The following SH3PXD2A variants were observed in gnomAD, a reference collection of about 807,000 sequenced individuals.
SH3PXD2A encodes SH3 and PX domains 2A.
SH3PXD2A carries 32 observed loss-of-function variants against 115.2 expected under a neutral mutation model. The observed-to-expected ratio is 0.28, with a 90% CI of 0.21 to 0.37. The LOEUF (loss-of-function observed/expected upper bound fraction) is 0.37. Among genes scored for constraint, SH3PXD2A ranks in the 10% least tolerant of loss-of-function variants. The probability of loss-of-function intolerance (pLI) is 1.00; values close to 1 mark genes in which losing one functional copy is unlikely to be tolerated. For missense variants in SH3PXD2A, 1,328 were observed against 1,498.7 expected, an observed-to-expected ratio of 0.89 and a Z score of 1.88; for synonymous variants, 610 against 629.1, an observed-to-expected ratio of 0.97 and a Z score of 0.45.
intron 4 of SH3PXD2A, among the ~76,000 whole-genome samples, chr10:103,729,972 C>T (rs1463461885): frequency 2.0e-5 from 3 of 152,152 alleles, no homozygotes; most frequent in Admixed American, 6.5e-5. Flanking sequence ...CATTGTGTGT[C>T]TCTAAGACCT....
At chr10:103,693,782 TG>T (rs1012643806) in intron 5 of SH3PXD2A, among the ~76,000 whole-genome samples, 15 of 150,894 alleles carry the variant, frequency 9.9e-5, no homozygotes, top group Non-Finnish European at 2.1e-4. Context: ...GAGCGGGTAG[TG>T]GGGGGGACAG....
chr10:103,655,952 G>A (rs979946336), intron 8 of SH3PXD2A, among the ~76,000 whole-genome samples: 5 of 152,090 alleles, frequency 3.3e-5, no homozygotes, highest in African/African-American at 4.8e-5. Flanking sequence ...TGAAATAAAC[G>A]AGTGAATAAA....
At chr10:103,764,047 C>A (rs2038729098) in intron 3 of SH3PXD2A, among the ~76,000 whole-genome samples, 1 of 152,230 alleles carries the variant, frequency 6.6e-6, no homozygotes, top group Non-Finnish European at 1.5e-5. Context: ...TCATCTCAGG[C>A]TCTGCATTTA....
chr10:103,668,798 T>C lies in SH3PXD2A; in HGVS notation c.428-146A>G. ...GAAGGCGGAGGAGGGAGGAGAGTGA[T>C]TTCCTGGCCCTGGGCTGGCTGTTGG... On this transcript the variant is annotated intron_variant, in intron 6 of 14. Coordinates refer to ENST00000369774, the MANE Select transcript of SH3PXD2A (RefSeq NM_001394015.1). 4 of 733,776 alleles carry C rather than the reference T, an allele frequency of 5.5e-6. No individual in the cohort carries two copies. The South Asian group carries it at 6.4e-5, about 12-fold the overall frequency. The allele number at this position is 733,776 out of a possible 1,614,324, so 45.5% of individuals were successfully genotyped here.
chr10:103,623,282 C>G lies in SH3PXD2A; in HGVS notation c.719-729G>C, dbSNP rs370435421. Among the ~76,000 whole-genome samples the G allele has an allele frequency of 1.4e-3, 204 of 150,346 alleles. 1 individual carries two copies. The highest frequency in any genetic ancestry group is 4.3e-3 in the African/African-American group (172 of 39,960). ...CTGATGACAGGGGCCCCCTCCCCAG[C>G]TTCTCACTGCTCCTGACCCCGTGCC... On this transcript the variant is annotated intron_variant, in intron 9 of 14. Coordinates refer to ENST00000369774, the MANE Select transcript of SH3PXD2A (RefSeq NM_001394015.1).
chr10:103,728,098 T>C (rs367605030), intron 4 of SH3PXD2A, among the ~76,000 whole-genome samples: 13 of 152,288 alleles, frequency 8.5e-5, no homozygotes, highest in African/African-American at 2.9e-4. Context: ...TGCCACGTGG[T>C]GGTAAAGTCA....
At chr10:103,758,013 C>A (rs116363892) in intron 3 of SH3PXD2A, among the ~76,000 whole-genome samples, 1 of 152,206 alleles carries the variant, frequency 6.6e-6, no homozygotes, top group South Asian at 2.1e-4. Flanking sequence ...TCCCGTTGCA[C>A]GCCACACAGC....
chr10:103,608,487 G>A (rs1474642836), intron 13 of SH3PXD2A: 3 of 145,780 alleles, frequency 2.1e-5, no homozygotes, highest in Admixed American at 1.4e-4. Context: ...GAATTTCATC[G>A]AATTTACAGA....
chr10:103,775,837 CATT>C, intron 2 of SH3PXD2A, among the ~76,000 whole-genome samples: 1 of 152,148 alleles, frequency 6.6e-6, no homozygotes, highest in Non-Finnish European at 1.5e-5. Context: ...ATGGAGAAGT[CATT>C]TTCAGAACCC....
At chr10:103,737,119 C>A (rs1187054515) in intron 3 of SH3PXD2A, among the ~76,000 whole-genome samples, 1 of 152,198 alleles carries the variant, frequency 6.6e-6, no homozygotes, top group East Asian at 1.9e-4. Flanking sequence ...GTAAAAGCTT[C>A]TTGAGTGATT....
chr10:103,669,878 G>A (rs2037434585), intron 6 of SH3PXD2A, among the ~76,000 whole-genome samples: 1 of 152,232 alleles, frequency 6.6e-6, no homozygotes, highest in Non-Finnish European at 1.5e-5. Flanking sequence ...CCTTTGCCAA[G>A]CATCCTGCTG....
In SH3PXD2A at chr10:103,620,916, G is replaced by A. The variant is rs773894859; in HGVS notation, c.802+1554C>T. On this transcript the variant is annotated intron_variant, in intron 10 of 14. Transcript: ENST00000369774. The surrounding 1 kb of genome is among the most constrained non-coding windows in gnomAD (Gnocchi z 5.3). ...GTGTTGCTGTGGAGGAATGGGTGGC[G>A]TATGTGTGTATGTTGCGTATATGTG... 6.6e-6 allele frequency among the ~76,000 whole-genome samples: 1 copy of A among 152,170 alleles called. No homozygotes were observed. The highest frequency in any genetic ancestry group is 1.9e-4 in the East Asian group (1 of 5,204).
At chr10:103,796,268 C>A (rs1010745462) in intron 2 of SH3PXD2A, among the ~76,000 whole-genome samples, 7 of 151,730 alleles carry the variant, frequency 4.6e-5, no homozygotes, top group African/African-American at 1.7e-4. Flanking sequence ...GAGGCTCAGG[C>A]TGGAAGATCT....
At chr10:103,759,912 C>T (rs879812153) in intron 3 of SH3PXD2A, among the ~76,000 whole-genome samples, 9 of 152,318 alleles carry the variant, frequency 5.9e-5, no homozygotes, top group South Asian at 2.1e-4. Context: ...CCTCAGAAAG[C>T]GCTAAGGCAC....
intron 5 of SH3PXD2A, among the ~76,000 whole-genome samples, chr10:103,711,159 T>C (rs1207897559): frequency 6.6e-6 from 1 of 152,152 alleles, no homozygotes; most frequent in Non-Finnish European, 1.5e-5. Context: ...CCACCTTCCT[T>C]CCCAGGAGCA....
chr10:103,851,939 T>C (rs1589485572), intron 1 of SH3PXD2A, among the ~76,000 whole-genome samples: 1 of 152,246 alleles, frequency 6.6e-6, no homozygotes, highest in East Asian at 1.9e-4. Context: ...AATTGATATA[T>C]ACCTATACCT....
intron 2 of SH3PXD2A, among the ~76,000 whole-genome samples, chr10:103,785,628 CT>C (rs2038973275): frequency 6.6e-6 from 1 of 152,194 alleles, no homozygotes; most frequent in South Asian, 2.1e-4. Context: ...GGTGCCAAGA[CT>C]GCCGCCTGAT....
chr10:103,634,491 G>A (rs1375170225), intron 8 of SH3PXD2A, among the ~76,000 whole-genome samples: 2 of 152,192 alleles, frequency 1.3e-5, no homozygotes, highest in Non-Finnish European at 2.9e-5. Flanking sequence ...GAGGACTCTA[G>A]GCTTTACAAC....
At chr10:103,617,385 C>T in intron 10 of SH3PXD2A, 71 bp from the exon 11 acceptor site, 1 of 1,072,978 alleles carries the variant, frequency 9.3e-7, no homozygotes, top group South Asian at 1.3e-5. Context: ...TCCCCTCCTC[C>T]TGCCCTGGCC....
Sources: allele counts gnomAD v4.1 joint callset (sites outside exome capture counted in the v4.1 genomes callset), GRCh38; gene constraint gnomAD v4.1.1; non-coding constraint Gnocchi (gnomAD v3.1); transcripts MANE v1.5; gene names NCBI Gene and HGNC (gene_info 2026-07-23, HGNC 2026-07-21).